The following NEK11 variants were observed in gnomAD, a reference collection of about 807,000 sequenced individuals.
The protein encoded by NEK11 is serine/threonine-protein kinase Nek11.
Under a neutral mutation model 80.7 loss-of-function variants are expected in NEK11, and 72 were observed. The observed-to-expected ratio is 0.89, with a 90% CI of 0.74 to 1.08. The LOEUF (loss-of-function observed/expected upper bound fraction) is 1.08, where lower values mean the gene tolerates loss of function less well. Among genes scored for constraint, NEK11 ranks in the 50% least tolerant of loss-of-function variants. The pLI, the probability that NEK11 is intolerant of heterozygous loss-of-function variation, is 0.00. For missense variants in NEK11, 764 were observed against 763.6 expected, an observed-to-expected ratio of 1.00 and a Z score of -0.01; for synonymous variants, 251 against 260.7, an observed-to-expected ratio of 0.96 and a Z score of 0.36.
intron 16 of NEK11, among the ~76,000 whole-genome samples, chr3:131,272,465 T>TCTTC (rs1162091220): frequency 2.8e-5 from 2 of 71,262 alleles, no homozygotes; most frequent in African/African-American, 2.0e-4. Context: ...TTTAGCTTCT[T>TCTTC]TTTTTTTTTT....
chr3:131,260,752 G>C (rs774733547), intron 16 of NEK11, among the ~76,000 whole-genome samples: 1 of 152,148 alleles, frequency 6.6e-6, no homozygotes, highest in Non-Finnish European at 1.5e-5. Context: ...ATTTGGCAAA[G>C]AGTGGTATCA....
chr3:131,034,059 A>C (rs2065262969), intron 3 of NEK11, among the ~76,000 whole-genome samples: 1 of 152,198 alleles, frequency 6.6e-6, no homozygotes, highest in Non-Finnish European at 1.5e-5. Context: ...ATTTTATTTT[A>C]TAGTATTGTT....
chr3:131,347,800 G>A (rs570908369), intron 17 of NEK11, among the ~76,000 whole-genome samples: 16 of 151,956 alleles, frequency 1.1e-4, no homozygotes, highest in East Asian at 9.7e-4. Context: ...TTAGCCAGGC[G>A]TGGTGGCAGG....
chr3:131,169,274 T>C (rs139262847), intron 13 of NEK11, among the ~76,000 whole-genome samples: 1 of 152,336 alleles, frequency 6.6e-6, no homozygotes, highest in African/African-American at 2.4e-5. Flanking sequence ...TATTCCTTTT[T>C]GCATCTCTCT....
intron 17 of NEK11, among the ~76,000 whole-genome samples, chr3:131,300,550 T>G (rs2096650030): frequency 6.6e-6 from 1 of 152,198 alleles, no homozygotes; most frequent in Non-Finnish European, 1.5e-5. Context: ...TTGAGTTGAT[T>G]TTTGTATATG....
In NEK11 at chr3:131,168,911, G is replaced by A. The variant is rs1489774958; in HGVS notation, c.1258G>A (p.Glu420Lys). 4 of 1,613,996 alleles carry A rather than the reference G, an allele frequency of 2.5e-6. No individual in the cohort carries two copies. Among genetic ancestry groups the A allele is most frequent in the East Asian group, 2.2e-5 (1 of 44,862 alleles). The part of the protein sequence containing the change: ...RLSCSPQDED[E>K]ERWQGREEES... ...TTCTTGTTCACCCCAGGACGAGGAT[G>A]AAGAGAGGTGGCAAGGCAGGGAAGA... The change falls in exon 13 of 18, where the codon GAA becomes AAA. Residue 420 changes from glutamate to lysine, a missense_variant. Glu to Lys is a moderately conservative substitution (Grantham distance 56). Transcript: ENST00000383366.
intron 3 of NEK11, among the ~76,000 whole-genome samples, chr3:131,058,108 G>A (rs2069979864): frequency 6.6e-6 from 1 of 151,956 alleles, no homozygotes. Context: ...TCTACATATG[G>A]CTAGCCAGTT....
chr3:131,166,249 T>C (rs930364960), intron 12 of NEK11, among the ~76,000 whole-genome samples: 8 of 152,246 alleles, frequency 5.3e-5, no homozygotes, highest in African/African-American at 1.9e-4. Context: ...TCTCAAATTC[T>C]GATTTTTATT....
chr3:131,152,640 C>A lies in NEK11; in HGVS notation c.807C>A (p.Asn269Lys), dbSNP rs781232737. Residue 269 changes from asparagine (N) to lysine (K), a missense_variant, in exon 9 of 18, where the codon AAC (asparagine) becomes AAA (lysine). Coordinates refer to ENST00000383366, the MANE Select transcript of NEK11 (RefSeq NM_024800.5). ...ELNAIMESML[N>K]KNPSLRPSAI... is the part of the protein sequence containing the mutation. Reference sequence around the variant, plus strand: ...TGTTTAAACATTACAGCATGTTGAACAAGAATCCTTCATTAAGACCATCTG... The same window carrying A: ...TGTTTAAACATTACAGCATGTTGAAAAAGAATCCTTCATTAAGACCATCTG... The A allele has an allele frequency of 1.2e-6, 2 of 1,613,448 alleles. No individual in the cohort carries two copies. The highest frequency in any genetic ancestry group is 2.2e-5 in the South Asian group (2 of 90,978).
chr3:131,093,294 T>C (rs2076979783), intron 4 of NEK11, among the ~76,000 whole-genome samples: 1 of 152,256 alleles, frequency 6.6e-6, no homozygotes, highest in Non-Finnish European at 1.5e-5. Flanking sequence ...AACTTATCTT[T>C]CTTTTGGTTT....
At chr3:131,145,737 C>T (rs1267370471) in intron 7 of NEK11, among the ~76,000 whole-genome samples, 1 of 152,080 alleles carries the variant, frequency 6.6e-6, no homozygotes, top group African/African-American at 2.4e-5. Flanking sequence ...AGCCAGATAG[C>T]CTGGGCTACA....
At chr3:131,140,579 G>C (rs1380319169) in intron 7 of NEK11, among the ~76,000 whole-genome samples, 1 of 152,168 alleles carries the variant, frequency 6.6e-6, no homozygotes, top group African/African-American at 2.4e-5. Context: ...GTGGTGACTG[G>C]AGCAGGACTT....
chr3:131,254,607 A>G (rs947312367), intron 16 of NEK11, among the ~76,000 whole-genome samples: 4 of 152,202 alleles, frequency 2.6e-5, no homozygotes, highest in Non-Finnish European at 4.4e-5. Context: ...GTTTTGGAGC[A>G]TCTGTGAAAT....
chr3:131,249,289 G>A (rs2095658970), intron 16 of NEK11, among the ~76,000 whole-genome samples: 1 of 152,088 alleles, frequency 6.6e-6, no homozygotes, highest in Admixed American at 6.6e-5. Context: ...GTAAGGTGTA[G>A]GCTAGGAGAA....
chr3:131,057,715 G>A lies in NEK11; in HGVS notation c.171-22708G>A, dbSNP rs529741391. 9.6e-3 allele frequency among the ~76,000 whole-genome samples: 1,457 copies of A among 151,564 alleles called. 12 individuals carry two copies. Among genetic ancestry groups the A allele is most frequent in the African/African-American group, 0.032 (1,328 of 41,184 alleles). On this transcript the variant is annotated intron_variant, in intron 3 of 17. Coordinates refer to ENST00000383366, the MANE Select transcript of NEK11 (RefSeq NM_024800.5). ...TGAGAAGTGTCTGTTCATATCCTTT[G>A]CCCACTTTTTGATGGGGTTGTTTGT...
intron 5 of NEK11, among the ~76,000 whole-genome samples, chr3:131,116,054 G>T (rs1428550040): frequency 1.3e-5 from 2 of 150,304 alleles, no homozygotes; most frequent in Non-Finnish European, 3.0e-5. Flanking sequence ...GTATACATGT[G>T]CCATGTTGGT....
intron 4 of NEK11, among the ~76,000 whole-genome samples, chr3:131,090,964 A>G (rs1578122725): frequency 2.0e-5 from 3 of 152,140 alleles, no homozygotes; most frequent in Non-Finnish European, 4.4e-5. Flanking sequence ...GGATCTTGCT[A>G]TGTTGCCCAG....
intron 17 of NEK11, among the ~76,000 whole-genome samples, chr3:131,319,932 C>A (rs1487271864): frequency 6.6e-6 from 1 of 151,910 alleles, no homozygotes; most frequent in Non-Finnish European, 1.5e-5. Context: ...TCTATTTTTT[C>A]AATATTTCTT....
intron 17 of NEK11, among the ~76,000 whole-genome samples, chr3:131,280,716 T>C (rs1328488141): frequency 3.3e-5 from 5 of 152,234 alleles, no homozygotes; most frequent in Non-Finnish European, 7.3e-5. Context: ...ACATTGTGAG[T>C]TAAAACTCAC....
Sources: gnomAD v4.1 joint callset for allele counts (sites outside exome capture counted in the v4.1 genomes callset) on GRCh38, gnomAD v4.1.1 for gene constraint, MANE v1.5 for transcripts, NCBI Gene and HGNC (gene_info 2026-07-23, HGNC 2026-07-21) for gene names.